ACOT12: variants seen among roughly 807,000 people sequenced by gnomAD.
ACOT12 encodes acyl-CoA thioesterase 12.
In ACOT12, 51 loss-of-function variants were observed where a neutral mutation model predicts 67.7. That is an observed-to-expected ratio of 0.75 (90% CI 0.60 to 0.95). The LOEUF is 0.95. Among genes scored for constraint, ACOT12 ranks in the 40% least tolerant of loss-of-function variants. The pLI is 0.00. For synonymous variants in ACOT12, 251 were observed against 244.6 expected, an observed-to-expected ratio of 1.03 and a Z score of -0.24; for missense variants, 734 against 708.1, an observed-to-expected ratio of 1.04 and a Z score of -0.41.
At chr5:81,369,666 CA>C (rs1352242679) in intron 3 of ACOT12, among the ~76,000 whole-genome samples, 5 of 152,150 alleles carry the variant, frequency 3.3e-5, no homozygotes, top group Non-Finnish European at 7.4e-5. Flanking sequence ...TCTGTGGTTT[CA>C]AACTCACTGG....
intron 3 of ACOT12, among the ~76,000 whole-genome samples, chr5:81,364,822 T>C (rs1025068522): frequency 2.0e-5 from 3 of 151,986 alleles, no homozygotes; most frequent in African/African-American, 7.3e-5. Flanking sequence ...GGTGTCTGCC[T>C]TATAAAACCA....
chr5:81,347,080 A>T (rs1265311327), intron 6 of ACOT12, among the ~76,000 whole-genome samples: 1 of 152,154 alleles, frequency 6.6e-6, no homozygotes, highest in African/African-American at 2.4e-5. Context: ...AGCACCTTTA[A>T]AGGTCAGACC....
At chr5:81,366,627 A>G (rs1760087087) in intron 3 of ACOT12, among the ~76,000 whole-genome samples, 1 of 152,342 alleles carries the variant, frequency 6.6e-6, no homozygotes, top group African/African-American at 2.4e-5. Context: ...TCATAAAAAC[A>G]GGTCTATAGG....
intron 3 of ACOT12, among the ~76,000 whole-genome samples, chr5:81,364,351 A>T (rs1028241981): frequency 3.3e-5 from 5 of 151,892 alleles, no homozygotes; most frequent in Admixed American, 2.0e-4. Flanking sequence ...TATTACATAC[A>T]TATGACATGA....
intron 5 of ACOT12, among the ~76,000 whole-genome samples, chr5:81,357,294 A>T (rs1304712408): frequency 6.6e-6 from 1 of 152,154 alleles, no homozygotes; most frequent in Non-Finnish European, 1.5e-5. Flanking sequence ...CTCCAGCACT[A>T]AACTACAAGT....
rs1045322760 is a variant in ACOT12, at chr5:81,358,851, A to G, written c.496+1052T>C. 5.7e-5 allele frequency among the ~76,000 whole-genome samples: 8 copies of G among 139,994 alleles called. No homozygotes were observed. In the East Asian group the frequency reaches 1.6e-3, roughly 27 times the overall value. The allele number at this position is 139,994 out of a possible 152,430, so 91.8% of individuals were successfully genotyped here. ...GCAACAAGAGCGAAACTCTGTCTCA[A>G]AGAAAAAAAAAAAAATCAAGTTGGT... On this transcript the variant is annotated intron_variant, in intron 5 of 14. Coordinates refer to ENST00000307624, the MANE Select transcript of ACOT12 (RefSeq NM_130767.3).
chr5:81,346,022 G>T lies in ACOT12; in HGVS notation c.654-18C>A, dbSNP rs1759370902. On this transcript the variant is annotated intron_variant, in intron 6 of 14. Transcript: ENST00000307624. Reference sequence around the variant, plus strand: ...ACAGGCGGCTGGGGAGACAAAGGGAGGGAGAGAGAAGAAAGCGATCACACA... The same window carrying T: ...ACAGGCGGCTGGGGAGACAAAGGGATGGAGAGAGAAGAAAGCGATCACACA... 1 of 1,611,524 alleles carries T rather than the reference G, an allele frequency of 6.2e-7. No homozygotes were observed. Among genetic ancestry groups the T allele is most frequent in the South Asian group, 1.1e-5 (1 of 90,452 alleles).
intron 2 of ACOT12, among the ~76,000 whole-genome samples, chr5:81,378,851 A>C (rs778728008): frequency 3.9e-5 from 6 of 152,050 alleles, no homozygotes; most frequent in Middle Eastern, 6.8e-3. Context: ...TGGACAGTAC[A>C]TGGGGAAATA....
intron 7 of ACOT12, 151 bp downstream of exon 7, chr5:81,345,734 A>C (rs535649286): frequency 2.9e-6 from 3 of 1,043,266 alleles, no homozygotes; most frequent in South Asian, 1.6e-5. Context: ...AGCAGAACAA[A>C]GGGTTAAAAA....
intron 3 of ACOT12, among the ~76,000 whole-genome samples, chr5:81,367,207 A>G (rs1390520690): frequency 6.6e-6 from 1 of 152,206 alleles, no homozygotes; most frequent in Non-Finnish European, 1.5e-5. Context: ...ACAGAAGGAA[A>G]ATGACACTAG....
chr5:81,336,287 T>C (rs1461336413), intron 11 of ACOT12, among the ~76,000 whole-genome samples: 1 of 152,106 alleles, frequency 6.6e-6, no homozygotes, highest in Non-Finnish European at 1.5e-5. Context: ...CTCATCTCCC[T>C]CAAAAGAGCA....
At chr5:81,311,496 ACCCTGACTTTATAAGAC>A in the ACOT12 span, among the ~76,000 whole-genome samples, 1 of 152,116 alleles carries the variant, frequency 6.6e-6, no homozygotes, top group Non-Finnish European at 1.5e-5. Flanking sequence ...GCCTTAGGGG[ACCCTGACTTTATAAGAC>A]ACCTGATTCA....
the ACOT12 span, among the ~76,000 whole-genome samples, chr5:81,319,577 C>T: frequency 2.0e-5 from 3 of 152,060 alleles, no homozygotes; most frequent in African/African-American, 7.2e-5. Context: ...ATTAGCTGGG[C>T]GTTGTGGTGC....
intron 5 of ACOT12, among the ~76,000 whole-genome samples, chr5:81,348,263 G>A (rs575070907): frequency 1.3e-5 from 2 of 152,290 alleles, no homozygotes; most frequent in South Asian, 4.2e-4. Context: ...AGGACAGGAA[G>A]GGGCAGAAAT....
At chr5:81,334,386 CG>C (rs1758929868) in intron 12 of ACOT12, among the ~76,000 whole-genome samples, 1 of 152,172 alleles carries the variant, frequency 6.6e-6, no homozygotes, top group Non-Finnish European at 1.5e-5. Context: ...TAGATGCTGC[CG>C]TGGGGTCAGA....
intron 11 of ACOT12, among the ~76,000 whole-genome samples, chr5:81,342,439 C>T (rs113761567): frequency 0.018 from 2,747 of 152,128 alleles, 25 homozygotes; most frequent in African/African-American, 0.022. Flanking sequence ...GAGGGAGAGA[C>T]GGGATGTGAG....
In ACOT12 at chr5:81,385,759, A is replaced by C; in HGVS notation, c.195T>G (p.Ala65=). 1.9e-6 allele frequency: 3 copies of C among 1,613,976 alleles called. No individual in the cohort carries two copies. Among genetic ancestry groups the C allele is most frequent in the Non-Finnish European group, 2.5e-6 (3 of 1,179,886 alleles). ...SVDDIQFEET[A]RVGQVITIKA... is the part of the protein sequence containing the mutation. ...AGCCATGGAGCAATGTCACTTACCT[A>C]GCTGTCTCCTCAAACTGTATGTCAT... The change falls in exon 2 of 15, where the codon GCT becomes GCG. Residue 65 remains alanine (A), a splice_region_variant and synonymous_variant. Coordinates refer to ENST00000307624, the MANE Select transcript of ACOT12 (RefSeq NM_130767.3).
rs138381368 is a variant in ACOT12 at position 81,345,928 on chromosome 5, G to A, written c.730C>T (p.Arg244Cys). The change falls in exon 7 of 15, where the codon CGT (arginine) becomes TGT (cysteine). Residue 244 changes from arginine (R) to cysteine (C), a missense_variant. Coordinates refer to ENST00000307624, the MANE Select transcript of ACOT12 (RefSeq NM_130767.3). ...TTGACAATGGCAGTGAAGACAAGACGATCTCCAACTGTAGATGGTCCCCGG... is the reference window on the plus strand; with the variant it reads ...TTGACAATGGCAGTGAAGACAAGACAATCTCCAACTGTAGATGGTCCCCGG... ...KFRGPSTVGD[R>C]LVFTAIVNNT... is the part of the protein sequence containing the mutation. 7 of 1,613,946 alleles carry A rather than the reference G, an allele frequency of 4.3e-6. No individual in the cohort carries two copies. The highest frequency in any genetic ancestry group is 5.9e-6 in the Non-Finnish European group (7 of 1,179,936).
At chr5:81,371,361 G>T (rs59397259) in intron 3 of ACOT12, among the ~76,000 whole-genome samples, 2 of 151,862 alleles carry the variant, frequency 1.3e-5, no homozygotes, top group African/African-American at 4.8e-5. Context: ...CAAGCAATCC[G>T]CCCACCTCCG....
Sources: allele counts gnomAD v4.1 joint callset (sites outside exome capture counted in the v4.1 genomes callset), GRCh38; gene constraint gnomAD v4.1.1; transcripts MANE v1.5; gene names NCBI Gene and HGNC (gene_info 2026-07-23, HGNC 2026-07-21).